ADA2: variants seen among roughly 807,000 people sequenced by gnomAD.
ADA2 encodes adenosine deaminase 2.
In ADA2, 29 loss-of-function variants were observed where a neutral mutation model predicts 44.2. The observed-to-expected ratio is 0.66, with a 90% CI of 0.49 to 0.89. ADA2 has a LOEUF of 0.89. Ranked by LOEUF, ADA2 falls within the 40% of genes least tolerant of loss-of-function variation. The pLI is 0.00. For missense variants in ADA2, 637 were observed against 644.8 expected (o/e 0.99, Z 0.13); for synonymous variants, 215 against 234.9 (o/e 0.92, Z 0.77).
chr22:17,209,923 C>T, intron 1 of ADA2, 200 bp from the exon 2 acceptor site: 1 of 473,144 alleles, frequency 2.1e-6, no homozygotes, highest in East Asian at 3.8e-5. Context: ...CGGAGTCTCG[C>T]TCTGCTGCCC....
chr22:17,199,447 C>CCCACCCCTCCTCTATCCTCTTCCCCTA, intron 4 of ADA2: 1 of 1,119,270 alleles, frequency 8.9e-7, no homozygotes. Context: ...CTCTTCCCCT[C>CCCACCCCTCCTCTATCCTCTTCCCCTA]CACCCACGAA....
chr22:17,215,970 C>T (rs1236337579), intron 1 of ADA2, among the ~76,000 whole-genome samples: 1 of 151,672 alleles, frequency 6.6e-6, no homozygotes, highest in East Asian at 1.9e-4. Flanking sequence ...AGGCAGATCA[C>T]GAGGTCAGGA....
chr22:17,209,801 C>T lies in ADA2; in HGVS notation c.-46-78G>A, dbSNP rs559554817. Reference sequence around the variant, plus strand: ...GATCTTCCTTTTCTCGCCCTGCTCTCAGATTACCAGAAGGCAAGATATTGA... The same window carrying T: ...GATCTTCCTTTTCTCGCCCTGCTCTTAGATTACCAGAAGGCAAGATATTGA... On this transcript the variant is annotated intron_variant, in intron 1 of 9. Coordinates refer to ENST00000399837, the MANE Select transcript of ADA2 (RefSeq NM_001282225.2). 5 of 731,704 alleles carry T rather than the reference C, an allele frequency of 6.8e-6. No homozygotes were observed. In the Admixed American group the frequency reaches 1.2e-4, roughly 17 times the overall value. The allele number at this position is 731,704 out of a possible 1,614,324, so 45.3% of individuals were successfully genotyped here. A position where few individuals can be genotyped will look rare whatever the true frequency, so the allele number is the denominator to read the frequency against.
rs748240651 is a variant in ADA2, at chr22:17,188,323, C to T, written c.1081+16G>A. On this transcript the variant is annotated intron_variant, in intron 7 of 9. Coordinates refer to ENST00000399837, the MANE Select transcript of ADA2 (RefSeq NM_001282225.2). ...TGACCACCTCCGCTGCCTCTGCTCG[C>T]ATCCCGCAGGCTCACCTGTTTCTCC... The T allele has an allele frequency of 6.3e-6, 10 of 1,595,628 alleles. No homozygotes were observed. The highest frequency in any genetic ancestry group is 5.0e-5 in the Admixed American group (3 of 59,950).
At chr22:17,202,320 G>T (rs1169040222) in intron 4 of ADA2, among the ~76,000 whole-genome samples, 1 of 152,168 alleles carries the variant, frequency 6.6e-6, no homozygotes, top group African/African-American at 2.4e-5. Context: ...AGTAGAGACA[G>T]GGTTTCACCA....
chr22:17,182,808 C>A, intron 7 of ADA2, 47 bp from the exon 8 acceptor site: 3 of 1,603,644 alleles, frequency 1.9e-6, no homozygotes, highest in South Asian at 2.2e-5. Context: ...TGGGTCTGGT[C>A]TTCCATGGGG....
Position 17,203,411 on chromosome 22 carries a change from C to T in ADA2, c.753+152G>A, listed in dbSNP as rs574298821. 1.1e-4 allele frequency: 74 copies of T among 651,912 alleles called. 1 individual carries two copies. The South Asian group carries it at 1.3e-3, about 12-fold the overall frequency. 40.4% of individuals were successfully genotyped at this position (651,912 alleles called of 1,614,324 possible). A position where few individuals can be genotyped will look rare whatever the true frequency, so the allele number is the denominator to read the frequency against. ...AGGCTGCCCAGTCCATTTCAGGTTT[C>T]CTTGCTCATGTTGGCCCCTGGAAAG... On this transcript the variant is annotated intron_variant, in intron 4 of 9. Transcript: ENST00000399837.
At chr22:17,201,224 GAAAGA>G (rs2062283092) in intron 4 of ADA2, among the ~76,000 whole-genome samples, 1 of 151,750 alleles carries the variant, frequency 6.6e-6, no homozygotes, top group South Asian at 2.1e-4. Context: ...AGAAGAAGAA[GAAAGA>G]AAAGAAAAGA....
intron 1 of ADA2, chr22:17,213,597 A>G: frequency 3.5e-6 from 1 of 287,396 alleles, no homozygotes; most frequent in Non-Finnish European, 7.0e-6. Context: ...GAAGAAAAAG[A>G]AGGACAAAGA....
upstream of ADA2, chr22:17,221,731 A>C (rs2123744958): frequency 6.6e-6 from 1 of 152,336 alleles, no homozygotes; most frequent in Admixed American, 6.5e-5. Context: ...ACTTACCTGG[A>C]TGTGGGGTTG....
chr22:17,220,256 G>A (rs2062513630), upstream of ADA2, among the ~76,000 whole-genome samples: 2 of 152,122 alleles, frequency 1.3e-5, no homozygotes, highest in Admixed American at 1.3e-4. Context: ...GGAGGTAGGA[G>A]ACAAGAGCTG....
At chr22:17,209,963 T>C (rs1465883398) in intron 1 of ADA2, 3 of 361,718 alleles carry the variant, frequency 8.3e-6, no homozygotes, top group Admixed American at 4.5e-5. Flanking sequence ...CAATCTCGGC[T>C]CACTGCGAGC....
chr22:17,211,815 C>G (rs2062421230), intron 1 of ADA2, among the ~76,000 whole-genome samples: 1 of 151,922 alleles, frequency 6.6e-6, no homozygotes. Context: ...GTAGTCCCAG[C>G]TACTCAGGAG....
intron 7 of ADA2, among the ~76,000 whole-genome samples, chr22:17,187,112 A>G (rs2062044344): frequency 6.7e-6 from 1 of 149,772 alleles, no homozygotes; most frequent in East Asian, 2.0e-4. Flanking sequence ...CTTGCAAGTG[A>G]GCCGAGATCA....
In ADA2 at chr22:17,188,868, A is replaced by AAAAAAAAAAAAAAATAT; in HGVS notation, c.973-422_973-421insATATTTTTTTTTTTTTT. 8.6e-5 allele frequency: 7 copies of AAAAAAAAAAAAAAATAT among 81,128 alleles called. 1 individual carries two copies. Among genetic ancestry groups the AAAAAAAAAAAAAAATAT allele is most frequent in the Admixed American group, 3.9e-4 (3 of 7,736 alleles). 5.0% of individuals were successfully genotyped at this position (81,128 alleles called of 1,614,324 possible). On this transcript the variant is annotated intron_variant, in intron 6 of 9. Coordinates refer to ENST00000399837, the MANE Select transcript of ADA2 (RefSeq NM_001282225.2). Reference sequence around the variant, plus strand: ...CACTACAGCCTGGCCAAGAGCAAAAAATATATATATATATATATTTTGTAA... The same window carrying AAAAAAAAAAAAAAATAT: ...CACTACAGCCTGGCCAAGAGCAAAAAAAAAAAAAAAAAAATATATATATATATATATATATTTTGTAA...
At chr22:17,219,743 C>T (rs2062509201), upstream of ADA2, among the ~76,000 whole-genome samples, 1 of 135,990 alleles carries the variant, frequency 7.4e-6, no homozygotes, top group Admixed American at 8.4e-5. Flanking sequence ...GGCGCAATCT[C>T]AGCTCACTGC....
At chr22:17,214,526 C>T (rs1476399061) in intron 1 of ADA2, among the ~76,000 whole-genome samples, 7 of 152,242 alleles carry the variant, frequency 4.6e-5, no homozygotes, top group Non-Finnish European at 1.0e-4. Flanking sequence ...ATCAGATGGA[C>T]TCCAGAGGAT....
chr22:17,203,321 G>A (rs2062313159), intron 4 of ADA2, among the ~76,000 whole-genome samples: 3 of 152,144 alleles, frequency 2.0e-5, no homozygotes, highest in South Asian at 4.1e-4. Flanking sequence ...GCAGAGGGGA[G>A]AACGGGGAAC....
chr22:17,202,369 G>A (rs117447369), intron 4 of ADA2, among the ~76,000 whole-genome samples: 5,390 of 151,716 alleles, frequency 0.036, 163 homozygotes, highest in East Asian at 0.093. Flanking sequence ...CTCGTGATCC[G>A]CCTGCCTCAG....
Sources: allele counts gnomAD v4.1 joint callset (sites outside exome capture counted in the v4.1 genomes callset), GRCh38; gene constraint gnomAD v4.1.1; transcripts MANE v1.5; gene names NCBI Gene and HGNC (gene_info 2026-07-23, HGNC 2026-07-21).